The following SPEF2 variants were observed in gnomAD, a reference collection of about 807,000 sequenced individuals.
The protein encoded by SPEF2 is sperm flagella and cilia-associated protein 2.
Under a neutral mutation model 224.6 loss-of-function variants are expected in SPEF2, and 187 were observed. The observed-to-expected ratio is 0.83, with a 90% CI of 0.74 to 0.94. SPEF2 has a LOEUF of 0.94. Among genes scored for constraint, SPEF2 ranks in the 40% least tolerant of loss-of-function variants. The probability of loss-of-function intolerance (pLI) is 0.00; values close to 1 mark genes in which losing one functional copy is unlikely to be tolerated. For missense variants in SPEF2, 2,170 were observed against 2,135.6 expected (o/e 1.02, Z -0.32); for synonymous variants, 715 against 707.3 (o/e 1.01, Z -0.17).
At chr5:35,688,381 G>C (rs1753964086) in intron 10 of SPEF2, among the ~76,000 whole-genome samples, 2 of 152,288 alleles carry the variant, frequency 1.3e-5, no homozygotes, top group East Asian at 1.9e-4. Context: ...CATTGATCCA[G>C]AGAGTGTTAG....
intron 3 of SPEF2, chr5:35,643,731 C>T (rs1746932056): frequency 3.0e-6 from 1 of 337,234 alleles, no homozygotes; most frequent in African/African-American, 2.1e-5. Context: ...ATTTATTAAA[C>T]AGCATGCCTA....
chr5:35,774,643 A>G (rs1460331274), intron 28 of SPEF2, among the ~76,000 whole-genome samples: 2 of 152,198 alleles, frequency 1.3e-5, no homozygotes, highest in East Asian at 3.9e-4. Flanking sequence ...AGATCAGGAA[A>G]CTGAGCAAAC....
At chr5:35,762,561 C>T (rs1382165732) in intron 25 of SPEF2, among the ~76,000 whole-genome samples, 1 of 152,164 alleles carries the variant, frequency 6.6e-6, no homozygotes, top group Admixed American at 6.5e-5. Flanking sequence ...AATCACTGCT[C>T]TCTTCTCCAG....
intron 24 of SPEF2, among the ~76,000 whole-genome samples, chr5:35,754,666 C>A (rs1750181903): frequency 6.6e-6 from 1 of 152,164 alleles, no homozygotes. Flanking sequence ...AAAAGATTTA[C>A]ATCTCAAAGG....
intron 10 of SPEF2, among the ~76,000 whole-genome samples, chr5:35,672,039 A>G (rs55962008): frequency 6.6e-6 from 1 of 151,186 alleles, no homozygotes; most frequent in African/African-American, 2.4e-5. Context: ...GTTCCTACAT[A>G]CAAGTAAAAA....
intron 4 of SPEF2, 128 bp downstream of exon 4, chr5:35,644,653 C>T (rs1476598464): frequency 3.2e-6 from 2 of 630,052 alleles, no homozygotes; most frequent in African/African-American, 1.9e-5. Context: ...ATGACTTTGT[C>T]CTGCCCTACT....
intron 7 of SPEF2, among the ~76,000 whole-genome samples, chr5:35,657,193 CA>C (rs1233636008): frequency 6.6e-6 from 1 of 152,198 alleles, no homozygotes; most frequent in African/African-American, 2.4e-5. Context: ...AGAAATGCCT[CA>C]AAATATCTTC....
At chr5:35,778,956 C>A (rs1420088637) in intron 29 of SPEF2, among the ~76,000 whole-genome samples, 161 bp from the exon 30 acceptor site, 1 of 152,072 alleles carries the variant, frequency 6.6e-6, no homozygotes, top group Non-Finnish European at 1.5e-5. Context: ...TGCCTTTTTA[C>A]AAAATAGATT....
chr5:35,647,390 G>C (rs557941024), intron 5 of SPEF2, among the ~76,000 whole-genome samples: 6 of 152,078 alleles, frequency 3.9e-5, no homozygotes, highest in Admixed American at 2.0e-4. Context: ...AGCTCTCATG[G>C]GAATTGATAG....
chr5:35,625,197 T>G (rs57516403), intron 1 of SPEF2, among the ~76,000 whole-genome samples: 14,556 of 152,242 alleles, frequency 0.096, 860 homozygotes, highest in East Asian at 0.18. Context: ...ACTTACAGAT[T>G]TTTTATAAAC....
intron 1 of SPEF2, among the ~76,000 whole-genome samples, chr5:35,619,821 C>A (rs1011354425): frequency 2.0e-5 from 3 of 151,966 alleles, no homozygotes. Context: ...ACAGTAGATG[C>A]CATTATAATT....
chr5:35,728,458 A>C (rs958318870), intron 21 of SPEF2, among the ~76,000 whole-genome samples: 1 of 152,190 alleles, frequency 6.6e-6, no homozygotes, highest in African/African-American at 2.4e-5. Context: ...TTTAAACAGC[A>C]AAGAGCTTTT....
intron 19 of SPEF2, among the ~76,000 whole-genome samples, chr5:35,711,538 A>C (rs1741132872): frequency 1.3e-5 from 2 of 152,070 alleles, no homozygotes; most frequent in Non-Finnish European, 2.9e-5. Context: ...CAATAGAATA[A>C]TACTACCTAT....
At chr5:35,641,380 G>A (rs767891851) in intron 2 of SPEF2, 51 bp from the exon 3 acceptor site, 1 of 1,542,580 alleles carries the variant, frequency 6.5e-7, no homozygotes, top group Non-Finnish European at 8.8e-7. Flanking sequence ...TTTGTTGTTT[G>A]TCTTTAATTT....
chr5:35,648,477 A>G (rs1425109412), intron 5 of SPEF2, among the ~76,000 whole-genome samples: 1 of 151,078 alleles, frequency 6.6e-6, no homozygotes, highest in East Asian at 2.0e-4. Flanking sequence ...CTTAACCTCC[A>G]AGGCTCAAGT....
At chr5:35,697,656 G>C in intron 14 of SPEF2, 34 bp from the exon 15 acceptor site, 2 of 1,538,296 alleles carry the variant, frequency 1.3e-6, no homozygotes, top group Non-Finnish European at 1.8e-6. Context: ...TTTTAAATTA[G>C]CCATCTTCTG....
At chr5:35,763,778 G>A in intron 26 of SPEF2, 76 bp downstream of exon 26, 1 of 1,356,094 alleles carries the variant, frequency 7.4e-7, no homozygotes, top group Non-Finnish European at 9.8e-7. Flanking sequence ...TGCTATAAGT[G>A]GAAAATTGAC....
intron 19 of SPEF2, 75 bp downstream of exon 19, chr5:35,709,196 C>A (rs538246932): frequency 1.3e-6 from 2 of 1,576,034 alleles, no homozygotes; most frequent in East Asian, 2.3e-5. Flanking sequence ...AAATTATAGT[C>A]TATCTACATT....
intron 8 of SPEF2, among the ~76,000 whole-genome samples, chr5:35,660,608 A>G (rs891262899): frequency 2.0e-5 from 3 of 152,164 alleles, no homozygotes; most frequent in African/African-American, 4.8e-5. Flanking sequence ...GCTGACCTCA[A>G]TGTCTTCTTT....
Sources: allele counts gnomAD v4.1 joint callset (sites outside exome capture counted in the v4.1 genomes callset), GRCh38; gene constraint gnomAD v4.1.1; transcripts MANE v1.5; gene names NCBI Gene and HGNC (gene_info 2026-07-23, HGNC 2026-07-21).